The following FBXW4 variants were observed in gnomAD, a reference collection of about 807,000 sequenced individuals.
The protein encoded by FBXW4 is F-box and WD repeat domain containing 4, also known as F-box/WD repeat-containing protein 4.
A neutral mutation model predicts 61.8 loss-of-function variants in FBXW4; 40 were observed. The observed-to-expected ratio is 0.65, with a 90% CI of 0.50 to 0.84. The LOEUF is 0.84. Among genes scored for constraint, FBXW4 ranks in the 40% least tolerant of loss-of-function variants. The pLI is 0.00. For synonymous variants in FBXW4, 311 were observed against 313.8 expected (o/e 0.99, Z 0.10); for missense variants, 672 against 753.8 (o/e 0.89, Z 1.27).
At position 101,622,999 on chromosome 10, in the gene FBXW4, C is replaced by T. The variant is rs922968888; in HGVS notation, c.1301+1746G>A. 3.9e-5 allele frequency: 6 copies of T among 152,198 alleles called. No homozygotes were observed. In the East Asian group the frequency reaches 5.8e-4, roughly 15 times the overall value. The allele number at this position is 152,198 out of a possible 1,614,324, so 9.4% of individuals were successfully genotyped here. A position where few individuals can be genotyped will look rare whatever the true frequency, so the allele number is the denominator to read the frequency against. On this transcript the variant is annotated intron_variant, in intron 6 of 8. Transcript: ENST00000331272. ...CCAGCAGGCAAAAGACATGAACAGA[C>T]GTTTCGCCAAAGAGAATATTCATAT... is the stretch of plus-strand genomic sequence containing the variant.
chr10:101,615,168 G>A (rs1047449960), intron 6 of FBXW4, among the ~76,000 whole-genome samples: 3 of 152,052 alleles, frequency 2.0e-5, no homozygotes, highest in Non-Finnish European at 4.4e-5. Context: ...AATGCTTCTC[G>A]GCCTCTCACT....
chr10:101,637,105 C>T (rs11191070), intron 5 of FBXW4, among the ~76,000 whole-genome samples: 24,939 of 151,572 alleles, frequency 0.16, 2,390 homozygotes, highest in Middle Eastern at 0.23. Flanking sequence ...CACCATGGGC[C>T]GGGCACGGTG....
intron 5 of FBXW4, among the ~76,000 whole-genome samples, chr10:101,661,596 G>C (rs183234328): frequency 6.6e-6 from 1 of 152,106 alleles, no homozygotes; most frequent in East Asian, 1.9e-4. Flanking sequence ...ATCTTTCTCC[G>C]GGTGTCATGA....
chr10:101,643,474 G>A (rs1029617532), intron 5 of FBXW4, among the ~76,000 whole-genome samples: 4 of 152,220 alleles, frequency 2.6e-5, no homozygotes, highest in East Asian at 1.9e-4. Context: ...ATGCAGCCGC[G>A]TTTGCTCCCT....
At chr10:101,623,453 A>T (rs2063883916) in intron 6 of FBXW4, among the ~76,000 whole-genome samples, 1 of 152,202 alleles carries the variant, frequency 6.6e-6, no homozygotes, top group Non-Finnish European at 1.5e-5. Flanking sequence ...GCTGGTGAGG[A>T]TGTGAAGAAA....
intron 6 of FBXW4, 128 bp downstream of exon 6, chr10:101,624,617 G>A: frequency 5.5e-6 from 5 of 912,416 alleles, no homozygotes; most frequent in Non-Finnish European, 7.2e-6. Flanking sequence ...CACCACAGCA[G>A]AGGCCTCCTA....
chr10:101,673,408 G>A, intron 3 of FBXW4, 80 bp downstream of exon 3: 1 of 1,507,678 alleles, frequency 6.6e-7, no homozygotes, highest in Non-Finnish European at 9.2e-7. Context: ...TTGGAGTTAA[G>A]ACAGAAAAGT....
chr10:101,681,478 G>A (rs911579682), intron 1 of FBXW4, among the ~76,000 whole-genome samples: 1 of 151,010 alleles, frequency 6.6e-6, no homozygotes, highest in Admixed American at 6.6e-5. Flanking sequence ...AGCACTTTGG[G>A]AGGCCGAGGC....
chr10:101,687,582 T>C (rs1035621335), intron 1 of FBXW4, among the ~76,000 whole-genome samples: 8 of 152,288 alleles, frequency 5.3e-5, no homozygotes, highest in Middle Eastern at 3.4e-3. Flanking sequence ...AAGACCAGTA[T>C]TTCTTATTTG....
intron 1 of FBXW4, among the ~76,000 whole-genome samples, chr10:101,686,216 T>C (rs1157782658): frequency 2.0e-5 from 3 of 152,278 alleles, no homozygotes; most frequent in Non-Finnish European, 4.4e-5. Context: ...GTTAAAGAGA[T>C]ATTTAGCAGT....
intron 5 of FBXW4, among the ~76,000 whole-genome samples, chr10:101,662,097 G>C (rs965577650): frequency 6.6e-6 from 1 of 152,230 alleles, no homozygotes; most frequent in Non-Finnish European, 1.5e-5. Context: ...TGAACTGCAA[G>C]TTGGCTGCCT....
At chr10:101,670,055 G>A (rs911856713) in intron 4 of FBXW4, among the ~76,000 whole-genome samples, 8 of 152,012 alleles carry the variant, frequency 5.3e-5, no homozygotes, top group Admixed American at 2.6e-4. Flanking sequence ...GCGCCCGGCC[G>A]GGAGTGGACA....
chr10:101,667,933 G>T lies in FBXW4; in HGVS notation c.1188C>A (p.Ile396=), dbSNP rs1256216408. The change falls in exon 5 of 9, where the codon ATC becomes ATA. Residue 396 remains isoleucine, a synonymous_variant. Transcript: ENST00000331272. ...TGGACCAGACTCGGTCTTCAGTCTG[G>T]ATGGTGTGTAAGCACTGCCCCAGCC... ...SGRLGQCLHT[I]QTEDRVWSIA... is the part of the protein sequence containing the mutation. 1 of 1,614,184 alleles carries T rather than the reference G, an allele frequency of 6.2e-7. No individual in the cohort carries two copies. Among genetic ancestry groups the T allele is most frequent in the South Asian group, 1.1e-5 (1 of 91,082 alleles).
intron 5 of FBXW4, among the ~76,000 whole-genome samples, chr10:101,655,684 T>C (rs1472066706): frequency 1.3e-5 from 2 of 151,606 alleles, no homozygotes; most frequent in East Asian, 1.9e-4. Context: ...AGGCGGAAAA[T>C]AGCAGGAGAA....
intron 5 of FBXW4, among the ~76,000 whole-genome samples, chr10:101,646,451 G>A (rs1216785088): frequency 6.6e-6 from 1 of 152,246 alleles, no homozygotes; most frequent in African/African-American, 2.4e-5. Flanking sequence ...TAGGCAGGAG[G>A]CCGAGAGGCA....
At chr10:101,618,957 T>C (rs1215808322) in intron 6 of FBXW4, among the ~76,000 whole-genome samples, 1 of 151,674 alleles carries the variant, frequency 6.6e-6, no homozygotes, top group Admixed American at 6.6e-5. Flanking sequence ...GTCAGGCCAG[T>C]CAGACCCACT....
chr10:101,670,089 A>C (rs1202145896), intron 4 of FBXW4, among the ~76,000 whole-genome samples: 1 of 152,192 alleles, frequency 6.6e-6, no homozygotes, highest in Non-Finnish European at 1.5e-5. Context: ...TTTAAAAAGC[A>C]GACTGGTGAT....
intron 4 of FBXW4, among the ~76,000 whole-genome samples, chr10:101,669,109 G>C (rs1385417690): frequency 6.6e-6 from 1 of 152,126 alleles, no homozygotes. Context: ...GTTTTTTAGA[G>C]TTTGTGTGTA....
At chr10:101,651,346 G>A (rs1028116756) in intron 5 of FBXW4, among the ~76,000 whole-genome samples, 1 of 152,058 alleles carries the variant, frequency 6.6e-6, no homozygotes, top group African/African-American at 2.4e-5. Flanking sequence ...AAATGGGTGG[G>A]GGGTGAAAGA....
Sources: allele counts gnomAD v4.1 joint callset (sites outside exome capture counted in the v4.1 genomes callset), GRCh38; gene constraint gnomAD v4.1.1; transcripts MANE v1.5; gene names NCBI Gene and HGNC (gene_info 2026-07-23, HGNC 2026-07-21).